AKAP13: variants seen among roughly 807,000 people sequenced by gnomAD.
The protein encoded by AKAP13 is A-kinase anchoring protein 13, also known as A-kinase anchor protein 13.
AKAP13 carries 80 observed loss-of-function variants against 264.5 expected under a neutral mutation model. The observed-to-expected ratio is 0.30, with a 90% CI of 0.25 to 0.36. AKAP13 has a LOEUF of 0.36. AKAP13 is among the 10% of genes least tolerant of loss of function. AKAP13 has a pLI of 1.00. For synonymous variants in AKAP13, 1,380 were observed against 1,250.2 expected (o/e 1.10, Z -2.19); for missense variants, 3,712 against 3,435.2 (o/e 1.08, Z -2.01).
At chr15:85,743,447 C>A (rs762638373) in intron 35 of AKAP13, 45 bp from the exon 36 acceptor site, 2 of 1,573,260 alleles carry the variant, frequency 1.3e-6, no homozygotes, top group Non-Finnish European at 1.7e-6. Flanking sequence ...GCATCACGGA[C>A]GCTGACAGCC....
At chr15:85,645,666 T>C (rs1386156588) in intron 9 of AKAP13, 152 bp from the exon 10 acceptor site, 1 of 855,750 alleles carries the variant, frequency 1.2e-6, no homozygotes, top group Non-Finnish European at 1.7e-6. Flanking sequence ...TTCTTAATTT[T>C]GAAAAAAAGA....
At chr15:85,446,773 A>G (rs145762964) in intron 1 of AKAP13, among the ~76,000 whole-genome samples, 16 of 145,146 alleles carry the variant, frequency 1.1e-4, no homozygotes, top group Admixed American at 2.8e-4. Flanking sequence ...AGCCCTTCTT[A>G]AAGCTCTAGT....
intron 1 of AKAP13, among the ~76,000 whole-genome samples, chr15:85,464,171 G>A (rs571288819): frequency 2.0e-5 from 3 of 152,226 alleles, no homozygotes; most frequent in South Asian, 2.1e-4. Flanking sequence ...TCTGACTGGC[G>A]ACTTTCCTCT....
rs749792842 is a variant in AKAP13, at chr15:85,715,788, C to T, written c.5600C>T (p.Pro1867Leu). ...TTCAGTTAGTGTCCTCCTTTTGCAG[C>T]CTCACAGCCCAAGGAGCGTCCTCGG... ...SLPTVIMRNK[P>L]SQPKERPRSA... is the part of the protein sequence containing the mutation. Residue 1867 changes from proline (P) to leucine (L), a missense_variant and splice_region_variant, in exon 20 of 37, where the codon CCC (proline) becomes CTC (leucine). Transcript: ENST00000394518. 4 of 1,606,896 alleles carry T rather than the reference C, an allele frequency of 2.5e-6. No individual in the cohort carries two copies. The highest frequency in any genetic ancestry group is 3.4e-6 in the Non-Finnish European group (4 of 1,178,322).
rs2073383487 is a variant in AKAP13 at position 85,437,776 on chromosome 15, C to G, written c.-11-47934C>G. Among the ~76,000 whole-genome samples the G allele has an allele frequency of 5.9e-5, 9 of 152,270 alleles. No individual in the cohort carries two copies. The South Asian group carries it at 1.9e-3, about 32-fold the overall frequency. On this transcript the variant is annotated intron_variant, in intron 1 of 36. Coordinates refer to ENST00000394518, the MANE Select transcript of AKAP13 (RefSeq NM_007200.5). ...CTTTGGCAAAATTCAACCCTTCATG[C>G]TAAAAACTCTCAATAAATTAGGTAT...
intron 2 of AKAP13, among the ~76,000 whole-genome samples, chr15:85,499,140 T>C (rs938424416): frequency 6.6e-6 from 1 of 152,334 alleles, no homozygotes; most frequent in East Asian, 1.9e-4. Flanking sequence ...CTTTTCTTTT[T>C]TAAAGGCTAG....
chr15:85,491,685 G>T (rs1044044754), intron 2 of AKAP13, among the ~76,000 whole-genome samples: 3 of 151,968 alleles, frequency 2.0e-5, no homozygotes, highest in African/African-American at 7.2e-5. Flanking sequence ...CTCCATTTGT[G>T]AACCTGAATA....
At chr15:85,618,269 T>A (rs2081028647) in intron 8 of AKAP13, among the ~76,000 whole-genome samples, 1 of 152,178 alleles carries the variant, frequency 6.6e-6, no homozygotes, top group Non-Finnish European at 1.5e-5. Flanking sequence ...TTTTTCTATA[T>A]CCGTTTTTTA....
rs1007738280 is a variant in AKAP13 at position 85,533,887 on chromosome 15, A to G, written c.478+7A>G. The G allele has an allele frequency of 1.3e-6, 2 of 1,554,694 alleles. No individual in the cohort carries two copies. Among genetic ancestry groups the G allele is most frequent in the Admixed American group, 4.1e-5 (2 of 48,622 alleles). ...ACAGATCAGAGTTTGCATGGTGAGAATTTATATGATCTACAAACACACTTT... is the reference window on the plus strand; with the variant it reads ...ACAGATCAGAGTTTGCATGGTGAGAGTTTATATGATCTACAAACACACTTT... On this transcript the variant is annotated splice_region_variant and intron_variant, in intron 4 of 36. Coordinates refer to ENST00000394518, the MANE Select transcript of AKAP13 (RefSeq NM_007200.5).
intron 1 of AKAP13, among the ~76,000 whole-genome samples, chr15:85,477,848 T>C (rs1002118863): frequency 6.6e-6 from 1 of 152,158 alleles, no homozygotes; most frequent in Non-Finnish European, 1.5e-5. Flanking sequence ...CTTTGAGGTA[T>C]GTGGATTGAC....
intron 8 of AKAP13, among the ~76,000 whole-genome samples, chr15:85,598,458 A>T (rs1361373921): frequency 6.6e-6 from 1 of 152,230 alleles, no homozygotes; most frequent in Non-Finnish European, 1.5e-5. Context: ...TGGAAAAAAC[A>T]TATGTCCATG....
At chr15:85,732,589 G>GT (rs1482263180) in intron 30 of AKAP13, among the ~76,000 whole-genome samples, 3 of 150,088 alleles carry the variant, frequency 2.0e-5, no homozygotes. Flanking sequence ...TACAGTGTTT[G>GT]TTTTTTTAAC....
At chr15:85,630,864 T>C (rs1387315934) in intron 8 of AKAP13, among the ~76,000 whole-genome samples, 1 of 152,198 alleles carries the variant, frequency 6.6e-6, no homozygotes, top group Non-Finnish European at 1.5e-5. Context: ...TGACATCTCC[T>C]TAAAGTATTA....
intron 10 of AKAP13, among the ~76,000 whole-genome samples, chr15:85,649,998 T>TA (rs2082729581): frequency 6.6e-6 from 1 of 152,128 alleles, no homozygotes; most frequent in Non-Finnish European, 1.5e-5. Context: ...ACAATTGATT[T>TA]AAAAAAATCA....
intron 33 of AKAP13, among the ~76,000 whole-genome samples, chr15:85,738,701 G>A (rs562191535): frequency 1.9e-3 from 281 of 151,716 alleles, no homozygotes; most frequent in Middle Eastern, 6.8e-3. Flanking sequence ...AGCCGGGCGC[G>A]GTGGCGGGCG....
intron 1 of AKAP13, among the ~76,000 whole-genome samples, chr15:85,465,821 A>C (rs529623879): frequency 6.7e-6 from 1 of 150,312 alleles, no homozygotes; most frequent in South Asian, 2.1e-4. Flanking sequence ...ATACGTGTGC[A>C]TGTGTCTTTA....
At chr15:85,642,398 G>C (rs1347772640) in intron 9 of AKAP13, among the ~76,000 whole-genome samples, 3 of 152,180 alleles carry the variant, frequency 2.0e-5, no homozygotes, top group Admixed American at 1.3e-4. Flanking sequence ...CTTTACTCTT[G>C]TTTACACTTA....
intron 1 of AKAP13, among the ~76,000 whole-genome samples, chr15:85,434,174 A>G (rs1187576397): frequency 1.3e-5 from 2 of 152,136 alleles, no homozygotes; most frequent in African/African-American, 4.8e-5. Flanking sequence ...GCAAGGGGTC[A>G]GGGAGTTCCC....
chr15:85,663,087 A>G (rs1596965573), intron 12 of AKAP13, among the ~76,000 whole-genome samples: 1 of 152,102 alleles, frequency 6.6e-6, no homozygotes, highest in Non-Finnish European at 1.5e-5. Flanking sequence ...CGGTGGGCGG[A>G]TCACCTGAGG....
Sources: allele counts gnomAD v4.1 joint callset (sites outside exome capture counted in the v4.1 genomes callset), GRCh38; gene constraint gnomAD v4.1.1; transcripts MANE v1.5; gene names NCBI Gene and HGNC (gene_info 2026-07-23, HGNC 2026-07-21).